The following TLN2 variants were observed in gnomAD, a reference collection of about 807,000 sequenced individuals.
TLN2 encodes talin 2.
Under a neutral mutation model 294.7 loss-of-function variants are expected in TLN2, and 118 were observed. That is an observed-to-expected ratio of 0.40 (90% confidence interval 0.34 to 0.47). TLN2 has a LOEUF of 0.47. Ranked by LOEUF, TLN2 falls within the 20% of genes least tolerant of loss-of-function variation. TLN2 has a pLI of 0.84. For synonymous variants in TLN2, 1,431 were observed against 1,304.5 expected, an observed-to-expected ratio of 1.10 and a Z score of -2.09; for missense variants, 3,083 against 3,282.2, an observed-to-expected ratio of 0.94 and a Z score of 1.48.
intron 1 of TLN2, among the ~76,000 whole-genome samples, chr15:62,424,381 C>T (rs1009717891): frequency 5.9e-5 from 9 of 152,178 alleles, no homozygotes; most frequent in African/African-American, 2.2e-4. Flanking sequence ...GTGAAGGCCT[C>T]AGGTAGGCTT....
intron 12 of TLN2, among the ~76,000 whole-genome samples, chr15:62,691,690 G>T (rs61470768): frequency 0.061 from 9,211 of 151,654 alleles, 893 homozygotes; most frequent in African/African-American, 0.2. Flanking sequence ...TAGGAGACCT[G>T]TTTTTTTTGG....
At position 62,390,663 on chromosome 15, in the gene TLN2, TGA is replaced by T. The variant is rs1350106635; in HGVS notation, c.-257_-256del. 3 of 152,136 alleles carry T rather than the reference TGA, an allele frequency of 2.0e-5. No individual in the cohort carries two copies. In the East Asian group the frequency reaches 5.8e-4, roughly 30 times the overall value. 9.4% of individuals were successfully genotyped at this position (152,136 alleles called of 1,614,324 possible). A position where few individuals can be genotyped will look rare whatever the true frequency, so the allele number is the denominator to read the frequency against. On this transcript the variant is annotated 5_prime_UTR_variant, in exon 1 of 59. An upstream open reading frame in the 5' UTR loses its in-frame stop. Coordinates refer to ENST00000636159, the MANE Select transcript of TLN2 (RefSeq NM_015059.3). Reference sequence around the variant, plus strand: ...GCACTCCCGGGCAGGCGCTCTGCAATGAGACAGTAAATGCATCCCCCGGTAAG... The same window carrying T: ...GCACTCCCGGGCAGGCGCTCTGCAATGACAGTAAATGCATCCCCCGGTAAG...
chr15:62,689,846 CTTT>C (rs1158144919), intron 12 of TLN2, among the ~76,000 whole-genome samples: 28 of 15,406 alleles, frequency 1.8e-3, no homozygotes, highest in East Asian at 3.6e-3. Context: ...GTATGGGCTT[CTTT>C]TTTTTTTTTT....
chr15:62,457,730 A>G (rs2036563809), intron 1 of TLN2, among the ~76,000 whole-genome samples: 1 of 152,214 alleles, frequency 6.6e-6, no homozygotes, highest in African/African-American at 2.4e-5. Flanking sequence ...GAGGGTGCAC[A>G]GGCAAAAATG....
At chr15:62,655,554 C>T (rs186744131) in intron 7 of TLN2, among the ~76,000 whole-genome samples, 11 of 152,176 alleles carry the variant, frequency 7.2e-5, no homozygotes, top group East Asian at 3.9e-4. Context: ...ACCCTGCCAC[C>T]GGAGAGGCAG....
At chr15:62,693,968 T>TTTG (rs1567373317) in intron 13 of TLN2, among the ~76,000 whole-genome samples, 2 of 3,456 alleles carry the variant, frequency 5.8e-4, no homozygotes, top group East Asian at 0.029. Flanking sequence ...TTTTTTTTTT[T>TTTG]TTTTTTTTTT....
At chr15:62,470,721 G>T (rs906626779) in intron 1 of TLN2, among the ~76,000 whole-genome samples, 1 of 152,246 alleles carries the variant, frequency 6.6e-6, no homozygotes, top group African/African-American at 2.4e-5. Flanking sequence ...CACCGAGCCA[G>T]TGCAGGCACT....
At chr15:62,674,243 A>G (rs1430597002) in intron 10 of TLN2, among the ~76,000 whole-genome samples, 2 of 152,202 alleles carry the variant, frequency 1.3e-5, no homozygotes. Flanking sequence ...TGAAAGTGGA[A>G]TTTGGAAATT....
intron 18 of TLN2, 147 bp from the exon 19 acceptor site, chr15:62,702,619 T>C: frequency 1.4e-6 from 1 of 720,108 alleles, no homozygotes; most frequent in Non-Finnish European, 2.4e-6. Context: ...TTCACCGGGA[T>C]GTCTTCTATC....
intron 3 of TLN2, among the ~76,000 whole-genome samples, chr15:62,626,304 G>A (rs1337177191): frequency 7.3e-6 from 1 of 137,744 alleles, no homozygotes; most frequent in Non-Finnish European, 1.6e-5. Context: ...TCATCCAGTT[G>A]AACAAACAAA....
intron 45 of TLN2, 35 bp from the exon 46 acceptor site, chr15:62,792,606 G>T: frequency 6.2e-7 from 1 of 1,606,400 alleles, no homozygotes; most frequent in Non-Finnish European, 8.5e-7. Flanking sequence ...AGTCCATCAC[G>T]CTTCTCCTTC....
intron 52 of TLN2, among the ~76,000 whole-genome samples, chr15:62,811,960 C>G (rs1443270233): frequency 6.6e-6 from 1 of 151,510 alleles, no homozygotes; most frequent in Non-Finnish European, 1.5e-5. Flanking sequence ...TGCAGTGAGT[C>G]AAGATCACAC....
At chr15:62,717,729 T>C (rs1201328744) in intron 24 of TLN2, 40 bp downstream of exon 24, 1 of 1,435,660 alleles carries the variant, frequency 7.0e-7, no homozygotes, top group Non-Finnish European at 9.3e-7. Context: ...CAGCTGCAGA[T>C]GACCCTGATA....
At chr15:62,839,652 C>T (rs1200543707) in intron 58 of TLN2, among the ~76,000 whole-genome samples, 1 of 152,160 alleles carries the variant, frequency 6.6e-6, no homozygotes, top group East Asian at 1.9e-4. Flanking sequence ...TTTTAGGGGA[C>T]TGTTTTATTT....
intron 1 of TLN2, among the ~76,000 whole-genome samples, chr15:62,557,267 G>C (rs1310814248): frequency 6.6e-6 from 1 of 152,204 alleles, no homozygotes; most frequent in African/African-American, 2.4e-5. Flanking sequence ...AGCCACCTAA[G>C]TGGGCCCTAA....
rs764083207 is a variant in TLN2 at position 62,698,800 on chromosome 15, A to G, written c.1520A>G (p.His507Arg). ...ALMGTINTSM[H>R]AVQQAQDDLS... ...ATGGGGACCATCAACACAAGCATGC[A>G]CGCCGTCCAGCAGGCCCAGGATGAT... Residue 507 changes from histidine to arginine, a missense_variant, in exon 16 of 59, where the codon CAC (histidine) becomes CGC (arginine). Transcript: ENST00000636159. The G allele has an allele frequency of 1.9e-6, 3 of 1,612,564 alleles. No homozygotes were observed. Among genetic ancestry groups the G allele is most frequent in the Non-Finnish European group, 2.5e-6 (3 of 1,179,984 alleles).
chr15:62,813,231 C>G (rs910119721), intron 52 of TLN2, among the ~76,000 whole-genome samples: 1 of 152,176 alleles, frequency 6.6e-6, no homozygotes, highest in African/African-American at 2.4e-5. Context: ...AATCAGTACT[C>G]TTAAATCTTG....
chr15:62,719,739 G>A, intron 24 of TLN2, 28 bp from the exon 25 acceptor site: 3 of 1,544,018 alleles, frequency 1.9e-6, no homozygotes, highest in African/African-American at 1.4e-5. Flanking sequence ...TTCTAGCCAT[G>A]CTGTTTTTAT....
intron 11 of TLN2, among the ~76,000 whole-genome samples, chr15:62,682,633 G>A (rs2056936294): frequency 6.6e-6 from 1 of 152,074 alleles, no homozygotes. Flanking sequence ...TACAGAAAAA[G>A]GGACTGCCTC....
Sources: allele counts gnomAD v4.1 joint callset (sites outside exome capture counted in the v4.1 genomes callset), GRCh38; gene constraint gnomAD v4.1.1; transcripts MANE v1.5; gene names NCBI Gene and HGNC (gene_info 2026-07-23, HGNC 2026-07-21).